CTBP2: variants seen among roughly 807,000 people sequenced by gnomAD.
The protein encoded by CTBP2 is C-terminal-binding protein 2.
Under a neutral mutation model 80.3 loss-of-function variants are expected in CTBP2, and 30 were observed. The ratio of observed to expected loss-of-function variants is 0.37; its 90% CI spans 0.28 to 0.51. The LOEUF (loss-of-function observed/expected upper bound fraction) is 0.51, where lower values mean the gene tolerates loss of function less well. Among genes scored for constraint, CTBP2 ranks in the 20% least tolerant of loss-of-function variants. The pLI, the probability that CTBP2 is intolerant of heterozygous loss-of-function variation, is 0.93. For missense variants in CTBP2, 1,212 were observed against 1,375.3 expected (o/e 0.88, Z 1.88); for synonymous variants, 594 against 587.4 (o/e 1.01, Z -0.16).
upstream of CTBP2, among the ~76,000 whole-genome samples, chr10:125,031,082 G>A (rs1032003372): frequency 6.6e-6 from 1 of 152,180 alleles, no homozygotes; most frequent in African/African-American, 2.4e-5. Flanking sequence ...CAGACACAGG[G>A]CAGAAAAATC....
intron 1 of CTBP2, among the ~76,000 whole-genome samples, chr10:125,142,134 C>T (rs757131167): frequency 3.9e-5 from 6 of 152,096 alleles, no homozygotes; most frequent in African/African-American, 7.2e-5. Context: ...GGGACGGGGG[C>T]GGTTTGCCTA....
At chr10:125,004,299 A>G (rs1954942394) in intron 1 of CTBP2, among the ~76,000 whole-genome samples, 1 of 152,224 alleles carries the variant, frequency 6.6e-6, no homozygotes, top group Non-Finnish European at 1.5e-5. Context: ...ACAGACGCGC[A>G]TGCTTGCGCC....
At chr10:124,995,746 T>TGTCA (rs1356241083) in intron 4 of CTBP2, among the ~76,000 whole-genome samples, 1 of 152,180 alleles carries the variant, frequency 6.6e-6, no homozygotes, top group African/African-American at 2.4e-5. Flanking sequence ...TCCTCCTCAG[T>TGTCA]GTCACCCTTT....
chr10:125,034,900 G>A (rs1175075149), intron 3 of CTBP2, among the ~76,000 whole-genome samples: 1 of 152,200 alleles, frequency 6.6e-6, no homozygotes, highest in Non-Finnish European at 1.5e-5. Flanking sequence ...GCCAGGCAAG[G>A]AGGCTGCTGG....
intron 1 of CTBP2, among the ~76,000 whole-genome samples, chr10:125,124,275 G>A (rs1051238330): frequency 1.3e-5 from 2 of 152,078 alleles, no homozygotes; most frequent in Admixed American, 1.3e-4. Flanking sequence ...CTTTTCCTGG[G>A]CCTCCCCTGC....
intron 2 of CTBP2, among the ~76,000 whole-genome samples, chr10:125,106,832 CG>C (rs1419647250): frequency 6.6e-6 from 1 of 152,230 alleles, no homozygotes; most frequent in African/African-American, 2.4e-5. Flanking sequence ...GCCAGGGTGG[CG>C]CAGGAAGCGG....
intron 2 of CTBP2, among the ~76,000 whole-genome samples, chr10:125,081,987 G>A (rs1328242016): frequency 3.3e-5 from 5 of 151,856 alleles, no homozygotes; most frequent in Non-Finnish European, 5.9e-5. Flanking sequence ...CATGGTCAGC[G>A]CTGCCCAGGG....
In CTBP2 at chr10:124,998,146, G is replaced by A. The variant is rs1226209663; in HGVS notation, c.2003C>T (p.Ser668Phe). ...GTCCGCTGTCTCTTCCACGGCTGCA[G>A]ACGGGATGTTGCACACGGCAATTCC... The change falls in exon 4 of 9, where the codon TCT becomes TTT. Residue 668 changes from serine (S) to phenylalanine (F), a missense_variant. Coordinates refer to ENST00000309035, the MANE Select transcript of CTBP2 (RefSeq NM_022802.3). The A allele has an allele frequency of 1.9e-6, 3 of 1,609,732 alleles. No individual in the cohort carries two copies. The highest frequency in any genetic ancestry group is 2.5e-6 in the Non-Finnish European group (3 of 1,178,586).
chr10:124,998,200 G>A (rs1389019435), intron 3 of CTBP2, 30 bp from the exon 6 acceptor site: 6 of 1,575,736 alleles, frequency 3.8e-6, no homozygotes, highest in East Asian at 2.3e-5. Flanking sequence ...GGCCGGAGAT[G>A]AGAAAACCTC....
upstream of CTBP2, among the ~76,000 whole-genome samples, chr10:125,030,520 G>A (rs1368489534): frequency 2.6e-5 from 4 of 152,314 alleles, no homozygotes; most frequent in East Asian, 5.8e-4. Context: ...GGTACCCTCC[G>A]ACGGAGCAGT....
intron 1 of CTBP2, among the ~76,000 whole-genome samples, chr10:125,114,527 G>A (rs945417070): frequency 3.9e-5 from 6 of 151,992 alleles, no homozygotes; most frequent in African/African-American, 9.7e-5. Flanking sequence ...CTACCCCACC[G>A]CCACTGCTTG....
chr10:125,066,646 G>A lies in CTBP2; in HGVS notation c.-101-27491C>T, dbSNP rs1590476863. On this transcript the variant is annotated intron_variant, in intron 2 of 10. Transcript: ENST00000337195. This position sits in a 1 kb window ranked among gnomAD's most constrained non-coding sequence, Gnocchi z 4.1. Reference sequence around the variant, plus strand: ...ACCTGCACAGAAGCCAGGGAGCACAGTGCACCAACCTTCAGTGTAATCTCC... The same window carrying A: ...ACCTGCACAGAAGCCAGGGAGCACAATGCACCAACCTTCAGTGTAATCTCC... Among the ~76,000 whole-genome samples, 1 of 152,178 alleles carries A rather than the reference G, an allele frequency of 6.6e-6. No individual in the cohort carries two copies. Among genetic ancestry groups the A allele is most frequent in the East Asian group, 1.9e-4 (1 of 5,204 alleles).
intron 1 of CTBP2, among the ~76,000 whole-genome samples, chr10:125,135,723 T>C (rs1856876093): frequency 6.6e-6 from 1 of 152,046 alleles, no homozygotes; most frequent in African/African-American, 2.4e-5. Context: ...GACCCTCACC[T>C]GCCGATGGGA....
chr10:125,099,851 C>T (rs1410522467), intron 2 of CTBP2, among the ~76,000 whole-genome samples: 2 of 152,182 alleles, frequency 1.3e-5, no homozygotes, highest in African/African-American at 4.8e-5. Context: ...GTCTGGCCAG[C>T]CAGGCTCTTC....
intron 2 of CTBP2, among the ~76,000 whole-genome samples, chr10:125,063,059 G>A (rs548018276): frequency 6.6e-6 from 1 of 152,310 alleles, no homozygotes; most frequent in South Asian, 2.1e-4. Context: ...CTCCCCAGCA[G>A]CGAGGCAGGG....
intron 2 of CTBP2, among the ~76,000 whole-genome samples, chr10:125,057,557 G>GCGTAT (rs1964195950): frequency 6.6e-6 from 1 of 152,212 alleles, no homozygotes; most frequent in South Asian, 2.1e-4. Flanking sequence ...TGCTGTGAGT[G>GCGTAT]CGTATCCCTT....
Position 125,116,195 on chromosome 10 carries a change from A to G in CTBP2, c.-205-5102T>C, listed in dbSNP as rs111678364. On this transcript the variant is annotated intron_variant, in intron 1 of 10. Coordinates refer to the CTBP2 transcript ENST00000337195. ...GCCCCACTGTTGCCCAAACCACCGA[A>G]TGACTGTGCCACAAGGTCCCAAGCA... is the stretch of plus-strand genomic sequence containing the variant. Among the ~76,000 whole-genome samples, 1,037 of 152,140 alleles carry G rather than the reference A, an allele frequency of 6.8e-3. 12 individuals carry two copies. Among genetic ancestry groups the G allele is most frequent in the African/African-American group, 0.023 (937 of 41,494 alleles).
rs535455892 is a variant in CTBP2 at position 125,005,047 on chromosome 10, C to T, written c.1679-1555G>A. 1.2e-4 allele frequency among the ~76,000 whole-genome samples: 18 copies of T among 152,284 alleles called. No homozygotes were observed. In the South Asian group the frequency reaches 3.1e-3, roughly 26 times the overall value. ...GCTCATATTCCGTTAGCCACACGCT[C>T]GGAGACGAGGAAGGAAATCCCCCTC... is the stretch of plus-strand genomic sequence containing the variant. On this transcript the variant is annotated intron_variant, in intron 1 of 8. Coordinates refer to ENST00000309035, the MANE Select transcript of CTBP2 (RefSeq NM_022802.3).
At chr10:125,093,806 T>C (rs906086514) in intron 2 of CTBP2, among the ~76,000 whole-genome samples, 2 of 152,058 alleles carry the variant, frequency 1.3e-5, no homozygotes, top group Admixed American at 6.5e-5. Context: ...GAAGTGAAAA[T>C]GTAAAAACCC....
Sources: allele counts gnomAD v4.1 joint callset (sites outside exome capture counted in the v4.1 genomes callset), GRCh38; gene constraint gnomAD v4.1.1; non-coding constraint Gnocchi (gnomAD v3.1); transcripts MANE v1.5; gene names NCBI Gene and HGNC (gene_info 2026-07-23, HGNC 2026-07-21).